Variants in ZFYVE9 observed in about 807,000 individuals in gnomAD.
ZFYVE9 encodes the protein zinc finger FYVE-type containing 9.
ZFYVE9 carries 43 observed loss-of-function variants against 126.7 expected under a neutral mutation model. That is an observed-to-expected ratio of 0.34 (90% CI 0.27 to 0.44). The LOEUF (loss-of-function observed/expected upper bound fraction) is 0.44, where lower values mean the gene tolerates loss of function less well. ZFYVE9 is among the 20% of genes least tolerant of loss of function. ZFYVE9 has a pLI of 1.00. For synonymous variants in ZFYVE9, 521 were observed against 597.4 expected, an observed-to-expected ratio of 0.87 and a Z score of 1.87; for missense variants, 1,476 against 1,697.0, an observed-to-expected ratio of 0.87 and a Z score of 2.29.
At chr1:52,269,234 A>G (rs1421277696) in intron 7 of ZFYVE9, among the ~76,000 whole-genome samples, 3 of 152,030 alleles carry the variant, frequency 2.0e-5, no homozygotes, top group South Asian at 2.1e-4. Context: ...GGTTCAAGCA[A>G]TTCTCCTGCC....
chr1:52,311,627 G>A (rs2147850422), intron 13 of ZFYVE9, among the ~76,000 whole-genome samples: 1 of 152,140 alleles, frequency 6.6e-6, no homozygotes, highest in East Asian at 1.9e-4. Context: ...TGGAATATGG[G>A]TATGCTCATA....
At chr1:52,279,542 C>T (rs1002436914) in intron 9 of ZFYVE9, among the ~76,000 whole-genome samples, 2 of 152,164 alleles carry the variant, frequency 1.3e-5, no homozygotes, top group Non-Finnish European at 2.9e-5. Context: ...CTGTTCATTG[C>T]AACCTCTGCC....
At chr1:52,315,278 A>G (rs879062384) in intron 13 of ZFYVE9, among the ~76,000 whole-genome samples, 7 of 152,092 alleles carry the variant, frequency 4.6e-5, no homozygotes, top group South Asian at 2.1e-4. Context: ...AAATACAAAA[A>G]TTAGCTGGGT....
intron 13 of ZFYVE9, among the ~76,000 whole-genome samples, chr1:52,316,613 A>G (rs987188181): frequency 6.6e-6 from 1 of 152,214 alleles, no homozygotes; most frequent in Non-Finnish European, 1.5e-5. Flanking sequence ...AATACATACC[A>G]TATTTATAAA....
intron 1 of ZFYVE9, among the ~76,000 whole-genome samples, chr1:52,175,892 T>G (rs1033165130): frequency 3.3e-5 from 5 of 152,216 alleles, no homozygotes; most frequent in Non-Finnish European, 7.3e-5. Flanking sequence ...TAGTTATACA[T>G]TTGTCTAAGT....
intron 1 of ZFYVE9, among the ~76,000 whole-genome samples, chr1:52,194,704 C>T (rs1644845363): frequency 6.6e-6 from 1 of 152,054 alleles, no homozygotes. Context: ...ATGTGCACTA[C>T]CTTTCTCTCA....
intron 13 of ZFYVE9, among the ~76,000 whole-genome samples, chr1:52,304,480 C>T (rs77562329): frequency 6.6e-6 from 1 of 152,096 alleles, no homozygotes; most frequent in African/African-American, 2.4e-5. Context: ...CCAGACTGGT[C>T]TCAAACTCTT....
chr1:52,182,270 G>C (rs1167568098), intron 1 of ZFYVE9, among the ~76,000 whole-genome samples: 1 of 152,248 alleles, frequency 6.6e-6, no homozygotes, highest in Non-Finnish European at 1.5e-5. Context: ...TCATTGAGAA[G>C]GGGCCATGAT....
intron 1 of ZFYVE9, among the ~76,000 whole-genome samples, chr1:52,211,426 C>G (rs553370699): frequency 6.6e-6 from 1 of 152,152 alleles, no homozygotes; most frequent in African/African-American, 2.4e-5. Flanking sequence ...ACCTGAGAAC[C>G]CTGCTCAGAC....
chr1:52,291,600 T>C (rs1236727972), intron 10 of ZFYVE9, among the ~76,000 whole-genome samples: 1 of 152,166 alleles, frequency 6.6e-6, no homozygotes, highest in Non-Finnish European at 1.5e-5. Flanking sequence ...ATGGTGTACA[T>C]GAATTACATG....
intron 1 of ZFYVE9, among the ~76,000 whole-genome samples, chr1:52,207,043 A>C (rs1034916251): frequency 6.6e-6 from 1 of 152,240 alleles, no homozygotes; most frequent in Non-Finnish European, 1.5e-5. Context: ...TCAAATGCTT[A>C]TCTCTTCTGG....
chr1:52,160,493 C>G, intron 1 of ZFYVE9: 1 of 794,728 alleles, frequency 1.3e-6, no homozygotes, highest in Non-Finnish European at 2.3e-6. Context: ...AGTTTCTTCA[C>G]CTGAAGCGGC....
chr1:52,272,673 C>CTTTTTTTTTTTTTTTTTT lies in ZFYVE9; in HGVS notation c.2626-1788_2626-1771dup, dbSNP rs58857376. On this transcript the variant is annotated intron_variant, in intron 7 of 18. Coordinates refer to ENST00000287727, the MANE Select transcript of ZFYVE9 (RefSeq NM_004799.4). ...ATGAAATGAAGCTGCTAGAAATAATCTTTTTTTTTTTTTTTTTTTTGAGTC... is the reference window on the plus strand; with the variant it reads ...ATGAAATGAAGCTGCTAGAAATAATCTTTTTTTTTTTTTTTTTTTTTTTTTTTTTTTTTTTTTTGAGTC... Among the ~76,000 whole-genome samples the CTTTTTTTTTTTTTTTTTT allele has an allele frequency of 5.4e-4, 66 of 121,252 alleles. 3 individuals are homozygous for CTTTTTTTTTTTTTTTTTT. Among genetic ancestry groups the CTTTTTTTTTTTTTTTTTT allele is most frequent in the African/African-American group, 1.1e-3 (32 of 29,594 alleles). The allele number at this position is 121,252 out of a possible 152,430, so 79.5% of individuals were successfully genotyped here. A position where few individuals can be genotyped will look rare whatever the true frequency, so the allele number is the denominator to read the frequency against.
intron 1 of ZFYVE9, among the ~76,000 whole-genome samples, chr1:52,199,522 T>C (rs1405103648): frequency 1.3e-5 from 2 of 152,240 alleles, no homozygotes; most frequent in East Asian, 3.8e-4. Context: ...GCTCACTTCT[T>C]TCTAGTGCTG....
At chr1:52,205,749 A>T (rs369608860) in intron 1 of ZFYVE9, among the ~76,000 whole-genome samples, 1 of 152,210 alleles carries the variant, frequency 6.6e-6, no homozygotes, top group South Asian at 2.1e-4. Context: ...TAGAATAGTG[A>T]CTTCCAAGCT....
intron 1 of ZFYVE9, among the ~76,000 whole-genome samples, chr1:52,198,120 G>GTGT (rs1644880237): frequency 3.6e-5 from 4 of 111,082 alleles, no homozygotes; most frequent in East Asian, 5.6e-4. Flanking sequence ...GTTTTTTTTT[G>GTGT]TTTGTTTTTT....
intron 2 of ZFYVE9, among the ~76,000 whole-genome samples, chr1:52,231,919 G>T (rs1306529189): frequency 6.6e-6 from 1 of 152,116 alleles, no homozygotes; most frequent in African/African-American, 2.4e-5. Flanking sequence ...GAGCCACGAC[G>T]CCTGGCCGGG....
At chr1:52,258,532 T>C (rs993181495) in intron 4 of ZFYVE9, among the ~76,000 whole-genome samples, 1 of 152,208 alleles carries the variant, frequency 6.6e-6, no homozygotes, top group African/African-American at 2.4e-5. Flanking sequence ...AGTGCCCCTG[T>C]TGAGAAGCAC....
intron 13 of ZFYVE9, among the ~76,000 whole-genome samples, chr1:52,327,538 G>A (rs1212393392): frequency 6.6e-6 from 1 of 152,024 alleles, no homozygotes; most frequent in Non-Finnish European, 1.5e-5. Context: ...GGAGGCAAGA[G>A]GTTGCAGTGA....
Sources: allele counts gnomAD v4.1 joint callset (sites outside exome capture counted in the v4.1 genomes callset), GRCh38; gene constraint gnomAD v4.1.1; transcripts MANE v1.5; gene names NCBI Gene and HGNC (gene_info 2026-07-23, HGNC 2026-07-21).